The following LUZP2 variants were observed in gnomAD, a reference collection of about 807,000 sequenced individuals.
LUZP2 encodes the protein leucine zipper protein 2.
LUZP2 carries 52 observed loss-of-function variants against 51.6 expected under a neutral mutation model. That is an observed-to-expected ratio of 1.01 (90% CI 0.81 to 1.27). The LOEUF is 1.27. LUZP2 is among the 50% of genes most tolerant of loss of function. The pLI is 0.00. For missense variants in LUZP2, 436 were observed against 395.4 expected, an observed-to-expected ratio of 1.10 and a Z score of -0.87; for synonymous variants, 154 against 137.3, an observed-to-expected ratio of 1.12 and a Z score of -0.85.
intron 1 of LUZP2, among the ~76,000 whole-genome samples, chr11:24,580,813 A>G (rs1433149537): frequency 6.6e-6 from 1 of 152,188 alleles, no homozygotes; most frequent in East Asian, 1.9e-4. Flanking sequence ...ACTATATGTC[A>G]TTAATAAGGA....
In LUZP2 at chr11:24,826,190, A is replaced by AAAATATATATATAT. The variant is rs1215786412; in HGVS notation, c.396+62883_396+62884insAATATATATATATA. On this transcript the variant is annotated intron_variant, in intron 5 of 11. Transcript: ENST00000336930. ...GACTCCATCTCAAAAAAAAAAAAAA[A>AAAATATATATATAT]ATATATATATATATATATAGTAAAA... 5.8e-3 allele frequency among the ~76,000 whole-genome samples: 389 copies of AAAATATATATATAT among 67,490 alleles called. 8 individuals carry two copies. Among genetic ancestry groups the AAAATATATATATAT allele is most frequent in the Middle Eastern group, 0.012 (1 of 86 alleles). The allele number at this position is 67,490 out of a possible 152,430, so 44.3% of individuals were successfully genotyped here.
intron 1 of LUZP2, among the ~76,000 whole-genome samples, chr11:24,667,232 G>T (rs1856245987): frequency 7.1e-6 from 1 of 140,022 alleles, no homozygotes; most frequent in Admixed American, 7.5e-5. Context: ...CACACAGGCT[G>T]GAGTGCAGTG....
intron 10 of LUZP2, among the ~76,000 whole-genome samples, chr11:25,064,631 A>G (rs1451710758): frequency 1.3e-5 from 2 of 149,500 alleles, no homozygotes; most frequent in African/African-American, 4.9e-5. Context: ...AGGTGACCGA[A>G]CCCATCCATT....
chr11:24,806,908 CA>C lies in LUZP2; in HGVS notation c.396+43610del, dbSNP rs140016582. On this transcript the variant is annotated intron_variant, in intron 5 of 11. Transcript: ENST00000336930. ...AAGTTGGTTGGAGGATAGGGGATGA[CA>C]AAAAAAAAATCAAAAAATTAGAAAA... 2.9e-3 allele frequency among the ~76,000 whole-genome samples: 362 copies of C among 126,786 alleles called. 1 individual carries two copies. The highest frequency in any genetic ancestry group is 7.5e-3 in the African/African-American group (255 of 34,050). The allele number at this position is 126,786 out of a possible 152,430, so 83.2% of individuals were successfully genotyped here.
intron 5 of LUZP2, among the ~76,000 whole-genome samples, chr11:24,876,310 A>C (rs1205396100): frequency 1.3e-5 from 2 of 149,798 alleles, no homozygotes; most frequent in Admixed American, 6.7e-5. Context: ...TCAGCTTTCT[A>C]CATATGGCTA....
intron 1 of LUZP2, among the ~76,000 whole-genome samples, chr11:24,594,562 C>A (rs1853369050): frequency 6.6e-6 from 1 of 152,138 alleles, no homozygotes; most frequent in African/African-American, 2.4e-5. Flanking sequence ...ACTTAACATA[C>A]CTTGGAGGTT....
At chr11:24,582,125 T>A (rs1852880054) in intron 1 of LUZP2, among the ~76,000 whole-genome samples, 1 of 152,186 alleles carries the variant, frequency 6.6e-6, no homozygotes, top group African/African-American at 2.4e-5. Flanking sequence ...AAGCAAGTTC[T>A]GATTTCTTCT....
chr11:24,717,597 A>G (rs892660825), intron 1 of LUZP2, among the ~76,000 whole-genome samples: 1 of 141,568 alleles, frequency 7.1e-6, no homozygotes, highest in Non-Finnish European at 1.5e-5. Flanking sequence ...TTTTTTTTTT[A>G]GTAGAGACAG....
chr11:24,539,707 C>T (rs1014623730), intron 1 of LUZP2, among the ~76,000 whole-genome samples: 2 of 152,134 alleles, frequency 1.3e-5, no homozygotes, highest in African/African-American at 2.4e-5. Flanking sequence ...CAAGTCAATA[C>T]ATTTATTAAC....
chr11:24,694,759 G>T (rs940707404), intron 1 of LUZP2, among the ~76,000 whole-genome samples: 1 of 151,964 alleles, frequency 6.6e-6, no homozygotes, highest in Non-Finnish European at 1.5e-5. Context: ...GAAAGACTTC[G>T]TGTCCTTTTC....
At chr11:24,758,687 G>T (rs942341750) in intron 4 of LUZP2, among the ~76,000 whole-genome samples, 11 of 151,972 alleles carry the variant, frequency 7.2e-5, no homozygotes, top group African/African-American at 2.7e-4. Flanking sequence ...TTTGATTAGA[G>T]AAATATTGTG....
chr11:24,776,390 G>T (rs1200729240), intron 5 of LUZP2, among the ~76,000 whole-genome samples: 2 of 152,136 alleles, frequency 1.3e-5, no homozygotes, highest in Non-Finnish European at 2.9e-5. Context: ...TGCTAAGCCT[G>T]AGTCACATTT....
chr11:24,925,391 T>C lies in LUZP2; in HGVS notation c.522+10853T>C, dbSNP rs141164598. ...GTCAGGGGGCTTAGAGTTTTATTTT[T>C]GGCTCCTATACTCTACCAGTTTAAA... On this transcript the variant is annotated intron_variant, in intron 7 of 11. Coordinates refer to ENST00000336930, the MANE Select transcript of LUZP2 (RefSeq NM_001009909.4). 1.2e-4 allele frequency among the ~76,000 whole-genome samples: 18 copies of C among 152,306 alleles called. No individual in the cohort carries two copies. In the East Asian group the frequency reaches 3.5e-3, roughly 29 times the overall value.
intron 1 of LUZP2, among the ~76,000 whole-genome samples, chr11:24,697,293 G>A (rs1268641423): frequency 6.6e-6 from 1 of 152,292 alleles, no homozygotes; most frequent in South Asian, 2.1e-4. Flanking sequence ...GAATTAGAGT[G>A]TAAATAGGCA....
chr11:24,727,790 C>T (rs1858535237), intron 1 of LUZP2, among the ~76,000 whole-genome samples: 1 of 151,836 alleles, frequency 6.6e-6, no homozygotes, highest in Non-Finnish European at 1.5e-5. Flanking sequence ...ATGGGCCATT[C>T]CGATTTCCTT....
chr11:24,551,461 T>C (rs1289603776), intron 1 of LUZP2, among the ~76,000 whole-genome samples: 1 of 152,034 alleles, frequency 6.6e-6, no homozygotes, highest in Admixed American at 6.6e-5. Context: ...GGTGAATAAC[T>C]GTTTAAGGGT....
chr11:24,706,889 T>G (rs111589976), intron 1 of LUZP2, among the ~76,000 whole-genome samples: 3,398 of 152,162 alleles, frequency 0.022, 52 homozygotes, highest in Non-Finnish European at 0.035. Flanking sequence ...TTCTCCTTCT[T>G]GATTTCTGGA....
Position 25,045,133 on chromosome 11 carries a change from A to G in LUZP2, c.766-4905A>G, listed in dbSNP as rs1472364821. Among the ~76,000 whole-genome samples the G allele has an allele frequency of 2.0e-5, 3 of 151,810 alleles. No individual in the cohort carries two copies. In the East Asian group the frequency reaches 5.8e-4, roughly 30 times the overall value. On this transcript the variant is annotated intron_variant, in intron 9 of 11. Transcript: ENST00000336930. Reference sequence around the variant, plus strand: ...AATGACGAGTTAATGGGTGCAGCACACCAACATGGCACATGTATACATATG... The same window carrying G: ...AATGACGAGTTAATGGGTGCAGCACGCCAACATGGCACATGTATACATATG...
chr11:24,500,287 T>C (rs1849956179), intron 1 of LUZP2, among the ~76,000 whole-genome samples: 1 of 152,150 alleles, frequency 6.6e-6, no homozygotes, highest in Non-Finnish European at 1.5e-5. Context: ...GCATATGGTC[T>C]CTCCTGCTTA....
Sources: allele counts gnomAD v4.1 joint callset (sites outside exome capture counted in the v4.1 genomes callset), GRCh38; gene constraint gnomAD v4.1.1; transcripts MANE v1.5; gene names NCBI Gene and HGNC (gene_info 2026-07-23, HGNC 2026-07-21).